Variants in ADAMTS19 observed in about 807,000 individuals in gnomAD.
ADAMTS19 encodes the protein A disintegrin and metalloproteinase with thrombospondin motifs 19.
In ADAMTS19, 93 loss-of-function variants were observed where a neutral mutation model predicts 153.3. That is an observed-to-expected ratio of 0.61 (90% confidence interval 0.51 to 0.72). The LOEUF (loss-of-function observed/expected upper bound fraction) is 0.72. ADAMTS19 is among the 30% of genes least tolerant of loss of function. The probability of loss-of-function intolerance (pLI) is 0.00; values close to 1 mark genes in which losing one functional copy is unlikely to be tolerated. For synonymous variants in ADAMTS19, 600 were observed against 556.6 expected (o/e 1.08, Z -1.10); for missense variants, 1,482 against 1,552.1 (o/e 0.95, Z 0.76).
chr5:129,637,133 C>T (rs933620275), intron 10 of ADAMTS19, among the ~76,000 whole-genome samples: 9 of 151,998 alleles, frequency 5.9e-5, no homozygotes, highest in African/African-American at 2.2e-4. Context: ...AGAAAACTTG[C>T]CATATTTGAC....
chr5:129,550,599 A>G (rs1467727149), intron 6 of ADAMTS19, among the ~76,000 whole-genome samples: 1 of 150,942 alleles, frequency 6.6e-6, no homozygotes, highest in Admixed American at 6.6e-5. Context: ...TGTATGTATT[A>G]ACTCACAAAT....
At chr5:129,661,783 A>C (rs950202232) in intron 15 of ADAMTS19, among the ~76,000 whole-genome samples, 5 of 152,250 alleles carry the variant, frequency 3.3e-5, no homozygotes, top group Non-Finnish European at 7.3e-5. Context: ...TAAGAAGAAA[A>C]TGGGCATAAA....
chr5:129,504,040 A>G (rs2126715703), intron 2 of ADAMTS19, among the ~76,000 whole-genome samples: 1 of 152,308 alleles, frequency 6.6e-6, no homozygotes, highest in South Asian at 2.1e-4. Flanking sequence ...AAGATATTCA[A>G]TATTCAAGAC....
intron 8 of ADAMTS19, among the ~76,000 whole-genome samples, chr5:129,604,921 T>G (rs888597266): frequency 4.4e-4 from 67 of 152,222 alleles, no homozygotes; most frequent in African/African-American, 1.6e-3. Context: ...TAAATGAAGC[T>G]CCATCCTTCT....
At chr5:129,509,366 C>CT in intron 3 of ADAMTS19, 124 bp downstream of exon 3, 3 of 851,150 alleles carry the variant, frequency 3.5e-6, no homozygotes, top group Non-Finnish European at 5.2e-6. Context: ...TAATTAGTAA[C>CT]AATTAAATGT....
chr5:129,602,352 A>G (rs991717217), intron 8 of ADAMTS19, among the ~76,000 whole-genome samples: 4 of 152,262 alleles, frequency 2.6e-5, no homozygotes, highest in Non-Finnish European at 4.4e-5. Flanking sequence ...CAGCCTCCCA[A>G]CGTGCTGGGA....
At chr5:129,656,707 T>C (rs1753561197) in intron 14 of ADAMTS19, among the ~76,000 whole-genome samples, 1 of 152,252 alleles carries the variant, frequency 6.6e-6, no homozygotes, top group Non-Finnish European at 1.5e-5. Context: ...ACAAAATATT[T>C]ACCTTTTATT....
At chr5:129,581,186 T>C (rs1316828612) in intron 7 of ADAMTS19, among the ~76,000 whole-genome samples, 3 of 152,210 alleles carry the variant, frequency 2.0e-5, no homozygotes, top group African/African-American at 7.2e-5. Flanking sequence ...TCCAGGAATT[T>C]ATCTATTTCT....
rs771519102 is a variant in ADAMTS19, at chr5:129,620,583, T to A, written c.1479-35T>A. The stretch of plus-strand genomic sequence containing the variant: ...AAGTTAACAAGTAACATTTACTTAG[T>A]GTAAATTTTAAAATTTTATTATATT... On this transcript the variant is annotated intron_variant, in intron 8 of 22. Transcript: ENST00000274487. 3 of 1,464,392 alleles carry A rather than the reference T, an allele frequency of 2.0e-6. No individual in the cohort carries two copies. The South Asian group carries it at 4.4e-5, about 22-fold the overall frequency. The allele number at this position is 1,464,392 out of a possible 1,614,324, so 90.7% of individuals were successfully genotyped here.
intron 6 of ADAMTS19, among the ~76,000 whole-genome samples, chr5:129,533,564 T>C (rs1752292466): frequency 6.6e-6 from 1 of 152,188 alleles, no homozygotes; most frequent in Admixed American, 6.5e-5. Flanking sequence ...TCATTGATTT[T>C]TTGAAGGATT....
chr5:129,582,993 T>G (rs1024356184), intron 7 of ADAMTS19, among the ~76,000 whole-genome samples: 3 of 152,304 alleles, frequency 2.0e-5, no homozygotes, highest in African/African-American at 7.2e-5. Context: ...TGATGCAGTT[T>G]CTTCATAGTG....
At chr5:129,545,779 C>T (rs921053532) in intron 6 of ADAMTS19, among the ~76,000 whole-genome samples, 5 of 150,850 alleles carry the variant, frequency 3.3e-5, no homozygotes, top group Admixed American at 1.3e-4. Flanking sequence ...CACTTTTACA[C>T]TGTTGGTGGG....
At position 129,475,875 on chromosome 5, in the gene ADAMTS19, T is replaced by G. The variant is rs539447783; in HGVS notation, c.747+14118T>G. Among the ~76,000 whole-genome samples, 66 of 152,304 alleles carry G rather than the reference T, an allele frequency of 4.3e-4. No individual in the cohort carries two copies. The South Asian group carries it at 0.014, about 32-fold the overall frequency. ...TTTGGCCATTCTGGCCTCTTTATAT[T>G]TCTATATACATTTTAGGATCAGATT... On this transcript the variant is annotated intron_variant, in intron 2 of 22. Coordinates refer to ENST00000274487, the MANE Select transcript of ADAMTS19 (RefSeq NM_133638.6).
At chr5:129,679,371 A>G (rs1754697989) in intron 16 of ADAMTS19, among the ~76,000 whole-genome samples, 1 of 152,240 alleles carries the variant, frequency 6.6e-6, no homozygotes, top group African/African-American at 2.4e-5. Flanking sequence ...GGAGAGACAG[A>G]GCATGTATGA....
chr5:129,612,941 A>G (rs1751306422), intron 8 of ADAMTS19, among the ~76,000 whole-genome samples: 1 of 152,166 alleles, frequency 6.6e-6, no homozygotes, highest in Admixed American at 6.6e-5. Flanking sequence ...GAGACAAAGA[A>G]GGCATTACAT....
chr5:129,708,932 C>T (rs1756307611), intron 21 of ADAMTS19, among the ~76,000 whole-genome samples: 1 of 152,008 alleles, frequency 6.6e-6, no homozygotes, highest in Non-Finnish European at 1.5e-5. Flanking sequence ...ATGCTGGAAG[C>T]ACAGTAAATC....
At chr5:129,589,652 T>C (rs752217120) in intron 7 of ADAMTS19, among the ~76,000 whole-genome samples, 7 of 152,146 alleles carry the variant, frequency 4.6e-5, no homozygotes, top group Admixed American at 1.3e-4. Flanking sequence ...CCAGTAAATG[T>C]GAACTTCAAA....
chr5:129,528,213 A>G (rs186004110), intron 5 of ADAMTS19, among the ~76,000 whole-genome samples: 3 of 152,166 alleles, frequency 2.0e-5, no homozygotes, highest in African/African-American at 4.8e-5. Flanking sequence ...GGTGTTCTAC[A>G]TAGAAAATGT....
At chr5:129,499,639 G>A (rs1751035696) in intron 2 of ADAMTS19, among the ~76,000 whole-genome samples, 1 of 152,072 alleles carries the variant, frequency 6.6e-6, no homozygotes, top group African/African-American at 2.4e-5. Flanking sequence ...AAATATGACT[G>A]TGTTGAAAGA....
Sources: gnomAD v4.1 joint callset for allele counts (sites outside exome capture counted in the v4.1 genomes callset) on GRCh38, gnomAD v4.1.1 for gene constraint, MANE v1.5 for transcripts, NCBI Gene and HGNC (gene_info 2026-07-23, HGNC 2026-07-21) for gene names.